Variants in WWOX observed in about 807,000 individuals in gnomAD.
WWOX encodes WW domain-containing oxidoreductase.
In WWOX, 69 loss-of-function variants were observed where a neutral mutation model predicts 46.2. The observed-to-expected ratio is 1.49, with a 90% confidence interval of 1.23 to 1.82. The LOEUF (loss-of-function observed/expected upper bound fraction) is 1.82, where lower values mean the gene tolerates loss of function less well. WWOX is among the 40% of genes most tolerant of loss of function. WWOX has a pLI of 0.00. For synonymous variants in WWOX, 359 were observed against 202.6 expected, an observed-to-expected ratio of 1.77 and a Z score of -6.56; for missense variants, 919 against 542.6, an observed-to-expected ratio of 1.69 and a Z score of -6.89.
intron 8 of WWOX, among the ~76,000 whole-genome samples, chr16:78,648,537 C>T (rs1338623426): frequency 6.6e-6 from 1 of 152,180 alleles, no homozygotes; most frequent in Non-Finnish European, 1.5e-5. Context: ...CTGGAGCAGT[C>T]AACTCAGAAT....
At chr16:78,957,729 A>T (rs1291012185) in intron 8 of WWOX, among the ~76,000 whole-genome samples, 1 of 152,196 alleles carries the variant, frequency 6.6e-6, no homozygotes, top group Non-Finnish European at 1.5e-5. Flanking sequence ...TAGGAGAAGA[A>T]CTTTTCTTTG....
chr16:78,463,208 C>G (rs2083994088), intron 8 of WWOX, among the ~76,000 whole-genome samples: 1 of 152,212 alleles, frequency 6.6e-6, no homozygotes, highest in African/African-American at 2.4e-5. Context: ...TACACTTGAG[C>G]TTGGCATTTT....
chr16:78,399,094 G>C (rs1280068024), intron 6 of WWOX, among the ~76,000 whole-genome samples: 9 of 151,200 alleles, frequency 6.0e-5, no homozygotes, highest in Admixed American at 4.6e-4. Context: ...TGGATGGAAG[G>C]GGTGGAAGGG....
chr16:78,694,533 C>A (rs2048058400), intron 8 of WWOX, among the ~76,000 whole-genome samples: 1 of 152,108 alleles, frequency 6.6e-6, no homozygotes, highest in African/African-American at 2.4e-5. Context: ...CCATAAATTC[C>A]ACTTTGCCTC....
At chr16:78,132,841 G>A (rs2033650494) in intron 4 of WWOX, among the ~76,000 whole-genome samples, 1 of 152,152 alleles carries the variant, frequency 6.6e-6, no homozygotes, top group African/African-American at 2.4e-5. Flanking sequence ...TACCAGGGAG[G>A]TTTTATAATT....
intron 8 of WWOX, among the ~76,000 whole-genome samples, chr16:78,487,034 G>T (rs1018883783): frequency 6.6e-6 from 1 of 152,154 alleles, no homozygotes; most frequent in Non-Finnish European, 1.5e-5. Flanking sequence ...GCAGACACAT[G>T]TACCCTGCTT....
At chr16:78,620,589 C>G (rs1372699245) in intron 8 of WWOX, among the ~76,000 whole-genome samples, 1 of 152,106 alleles carries the variant, frequency 6.6e-6, no homozygotes, top group Non-Finnish European at 1.5e-5. Context: ...GGACTCTTGT[C>G]CCCTGAGAAG....
At chr16:78,689,709 T>C (rs374654673) in intron 8 of WWOX, among the ~76,000 whole-genome samples, 21 of 152,344 alleles carry the variant, frequency 1.4e-4, no homozygotes, top group African/African-American at 4.8e-4. Context: ...ACTCTGTTCC[T>C]TGACTATAAA....
At position 79,211,976 on chromosome 16, in the gene WWOX, GGTAAA is replaced by G. The variant is rs138002331; in HGVS notation, c.*184_*188del. ...CCAATGGGAAGCAGGGAATTCCTGGGGTAAAGTATCACTTTTCTGGGGCTGGGCTA... is the reference window on the plus strand; with the variant it reads ...CCAATGGGAAGCAGGGAATTCCTGGGGTATCACTTTTCTGGGGCTGGGCTA... On this transcript the variant is annotated 3_prime_UTR_variant, in exon 9 of 9. Coordinates refer to ENST00000566780, the MANE Select transcript of WWOX (RefSeq NM_016373.4). 1 of 1,536,182 alleles carries G rather than the reference GGTAAA, an allele frequency of 6.5e-7. No individual in the cohort carries two copies. Among genetic ancestry groups the G allele is most frequent in the Middle Eastern group, 1.7e-4 (1 of 5,988 alleles).
At chr16:78,500,083 G>A (rs188521888) in intron 8 of WWOX, among the ~76,000 whole-genome samples, 2 of 152,278 alleles carry the variant, frequency 1.3e-5, no homozygotes, top group East Asian at 3.9e-4. Context: ...AGACTAGCAT[G>A]GTTCAAAGCA....
chr16:78,353,645 C>A (rs2081226937), intron 5 of WWOX, among the ~76,000 whole-genome samples: 1 of 152,226 alleles, frequency 6.6e-6, no homozygotes, highest in Admixed American at 6.5e-5. Context: ...CCATTACCTG[C>A]AGTAATATTA....
intron 5 of WWOX, among the ~76,000 whole-genome samples, chr16:78,379,610 A>T (rs1424271523): frequency 6.6e-6 from 1 of 152,222 alleles, no homozygotes; most frequent in Non-Finnish European, 1.5e-5. Flanking sequence ...CGCAAGGCCC[A>T]CATGCACAAG....
At position 79,026,500 on chromosome 16, in the gene WWOX, C is replaced by T. The variant is rs535804492; in HGVS notation, c.1057-185108C>T. ...TGTACTTGTTCATGTGATCATTGAT[C>T]AGGGTCCATTTTCTGCTCCAGACAA... On this transcript the variant is annotated intron_variant, in intron 8 of 8. Transcript: ENST00000566780. Among the ~76,000 whole-genome samples, 8 of 151,624 alleles carry T rather than the reference C, an allele frequency of 5.3e-5. No individual in the cohort carries two copies. In the East Asian group the frequency reaches 7.7e-4, roughly 15 times the overall value.
intron 8 of WWOX, among the ~76,000 whole-genome samples, chr16:79,126,862 C>G (rs983409235): frequency 3.9e-5 from 6 of 152,046 alleles, no homozygotes; most frequent in South Asian, 2.1e-4. Flanking sequence ...AAATTGTGCT[C>G]AAAGCTGAAT....
intron 8 of WWOX, among the ~76,000 whole-genome samples, chr16:78,772,491 A>C (rs377434485): frequency 9.5e-4 from 145 of 152,244 alleles, no homozygotes; most frequent in African/African-American, 3.3e-3. Flanking sequence ...TCTTCTTGGA[A>C]ATGTTAATCT....
At chr16:78,911,230 G>A (rs1285541865) in intron 8 of WWOX, among the ~76,000 whole-genome samples, 2 of 151,886 alleles carry the variant, frequency 1.3e-5, no homozygotes, top group South Asian at 2.1e-4. Context: ...TATTTCCAGA[G>A]CAATTTTGGT....
chr16:78,280,343 T>G (rs1395442548), intron 5 of WWOX, among the ~76,000 whole-genome samples: 1 of 152,202 alleles, frequency 6.6e-6, no homozygotes, highest in East Asian at 1.9e-4. Context: ...GATTAACATA[T>G]TAACAGTTTG....
At chr16:78,993,435 A>C in intron 8 of WWOX, among the ~76,000 whole-genome samples, 1 of 152,220 alleles carries the variant, frequency 6.6e-6, no homozygotes, top group East Asian at 1.9e-4. Context: ...CGGACATGAC[A>C]GTGCGGCTGG....
At chr16:78,417,670 A>T (rs78822928) in intron 6 of WWOX, among the ~76,000 whole-genome samples, 2,051 of 152,288 alleles carry the variant, frequency 0.013, 39 homozygotes, top group East Asian at 0.062. Context: ...ACAATATATG[A>T]ATTATCCCTG....
Sources: gnomAD v4.1 joint callset for allele counts (sites outside exome capture counted in the v4.1 genomes callset) on GRCh38, gnomAD v4.1.1 for gene constraint, MANE v1.5 for transcripts, NCBI Gene and HGNC (gene_info 2026-07-23, HGNC 2026-07-21) for gene names.